SLC30A7: variants seen among roughly 807,000 people sequenced by gnomAD.
The protein encoded by SLC30A7 is zinc transporter 7.
In SLC30A7, 35 loss-of-function variants were observed where a neutral mutation model predicts 46.0. The observed-to-expected ratio is 0.76, with a 90% CI of 0.58 to 1.01. The LOEUF (loss-of-function observed/expected upper bound fraction) is 1.01, where lower values mean the gene tolerates loss of function less well. Among genes scored for constraint, SLC30A7 ranks in the 50% least tolerant of loss-of-function variants. The pLI is 0.00. For synonymous variants in SLC30A7, 147 were observed against 157.8 expected, an observed-to-expected ratio of 0.93 and a Z score of 0.51; for missense variants, 464 against 451.1, an observed-to-expected ratio of 1.03 and a Z score of -0.26.
chr1:100,920,692 T>C (rs894403234), intron 7 of SLC30A7, among the ~76,000 whole-genome samples: 1 of 152,020 alleles, frequency 6.6e-6, no homozygotes, highest in Admixed American at 6.5e-5. Context: ...TTCTTGAGTT[T>C]GTTTGTATTT....
intron 6 of SLC30A7, among the ~76,000 whole-genome samples, chr1:100,916,511 A>T (rs1570525536): frequency 6.6e-6 from 1 of 152,122 alleles, no homozygotes; most frequent in South Asian, 2.1e-4. Context: ...TATGGGGTAC[A>T]TGAGATGTTT....
intron 7 of SLC30A7, among the ~76,000 whole-genome samples, chr1:100,919,127 G>T (rs1163260835): frequency 6.6e-6 from 1 of 152,152 alleles, no homozygotes; most frequent in Non-Finnish European, 1.5e-5. Flanking sequence ...CATAATATTT[G>T]TAGGCCATCA....
rs144769323 is a variant in SLC30A7, at chr1:100,941,146, T to A, written c.842+19305T>A. 17 of 345,738 alleles carry A rather than the reference T, an allele frequency of 4.9e-5. No homozygotes were observed. In the East Asian group the frequency reaches 1.2e-3, roughly 25 times the overall value. The allele number at this position is 345,738 out of a possible 1,614,324, so 21.4% of individuals were successfully genotyped here. A position where few individuals can be genotyped will look rare whatever the true frequency, so the allele number is the denominator to read the frequency against. On this transcript the variant is annotated intron_variant, in intron 8 of 10. Coordinates refer to ENST00000357650, the MANE Select transcript of SLC30A7 (RefSeq NM_133496.5). ...TCTTCTGCCACCAAAGTTTCCTTCC[T>A]TCATGGGTTCAGAATTTGAAGACTG...
chr1:100,942,586 A>T (rs1340501010), intron 8 of SLC30A7, among the ~76,000 whole-genome samples: 1 of 152,222 alleles, frequency 6.6e-6, no homozygotes, highest in Non-Finnish European at 1.5e-5. Flanking sequence ...TATTCAAGTG[A>T]AAAGCTGAGA....
intron 8 of SLC30A7, among the ~76,000 whole-genome samples, chr1:100,929,315 A>G (rs1653524182): frequency 1.3e-5 from 2 of 152,170 alleles, no homozygotes; most frequent in African/African-American, 4.8e-5. Context: ...GCTCCAAAGT[A>G]CAAAATAAAG....
At chr1:100,962,395 A>G (rs555022376) in intron 9 of SLC30A7, among the ~76,000 whole-genome samples, 1 of 152,350 alleles carries the variant, frequency 6.6e-6, no homozygotes, top group East Asian at 1.9e-4. Context: ...ATGGATGGCT[A>G]CCTTAGATTC....
rs571910460 is a variant in SLC30A7, at chr1:100,896,167, G to A, written c.-96G>A. 9.2e-7 allele frequency: 1 copy of A among 1,082,214 alleles called. No individual in the cohort carries two copies. The highest frequency in any genetic ancestry group is 1.5e-5 in the African/African-American group (1 of 64,968). 67.0% of individuals were successfully genotyped at this position (1,082,214 alleles called of 1,614,324 possible). On this transcript the variant is annotated 5_prime_UTR_variant, in exon 1 of 11. Transcript: ENST00000357650. ...GGCGCGCGGCCCCGGACAAGCGCTG[G>A]GGATTCCCGTTTGAGGCGTCACTAC...
intron 7 of SLC30A7, among the ~76,000 whole-genome samples, chr1:100,920,441 T>A (rs944875326): frequency 6.6e-6 from 1 of 152,070 alleles, no homozygotes; most frequent in African/African-American, 2.4e-5. Context: ...AATTTATTTC[T>A]TTTGGAAATA....
At chr1:100,900,722 A>G (rs1362644063) in intron 2 of SLC30A7, among the ~76,000 whole-genome samples, 2 of 152,106 alleles carry the variant, frequency 1.3e-5, no homozygotes, top group African/African-American at 2.4e-5. Context: ...GATTCTAAGA[A>G]TTTTCTAATT....
chr1:100,896,206 A>C lies in SLC30A7; in HGVS notation c.-57A>C. 1.3e-6 allele frequency: 2 copies of C among 1,507,256 alleles called. No homozygotes were observed. Among genetic ancestry groups the C allele is most frequent in the Non-Finnish European group, 1.8e-6 (2 of 1,083,420 alleles). 93.4% of individuals were successfully genotyped at this position (1,507,256 alleles called of 1,614,324 possible). A position where few individuals can be genotyped will look rare whatever the true frequency, so the allele number is the denominator to read the frequency against. ...AGGCGTCACTACTGTCACTGCCATC[A>C]CCCCACGGAGCCACTTCTAGAGGGG... On this transcript the variant is annotated 5_prime_UTR_variant, in exon 1 of 11. Transcript: ENST00000357650.
chr1:100,979,122 T>C lies in SLC30A7; in HGVS notation c.*4265T>C, dbSNP rs551118212. The C allele has an allele frequency of 6.6e-6, 1 of 152,252 alleles. No homozygotes were observed. Among genetic ancestry groups the C allele is most frequent in the Non-Finnish European group, 1.5e-5 (1 of 67,984 alleles). 9.4% of individuals were successfully genotyped at this position (152,252 alleles called of 1,614,324 possible). A position where few individuals can be genotyped will look rare whatever the true frequency, so the allele number is the denominator to read the frequency against. On this transcript the variant is annotated 3_prime_UTR_variant, in exon 11 of 11. Coordinates refer to ENST00000357650, the MANE Select transcript of SLC30A7 (RefSeq NM_133496.5). ...TAAATGTTGCATAAAGCAAATCTTT[T>C]AAGTAAGGTAAAATGTTGAAGTCTT...
Position 100,974,855 on chromosome 1 carries a change from T to C in SLC30A7, c.1129T>C (p.Ter377GlnextTer1). The C allele has an allele frequency of 1.3e-6, 2 of 1,599,180 alleles. No homozygotes were observed. Among genetic ancestry groups the C allele is most frequent in the East Asian group, 2.2e-5 (1 of 44,706 alleles). The change falls in exon 11 of 11, where the codon TAG becomes CAG. Residue 377 changes from the stop codon to glutamine (Q), a stop_lost. Transcript: ENST00000357650. Reference protein sequence around the residue: ...LYVQIDFAAM* With the variant: ...LYVQIDFAAMQ ...CGTACAGATTGACTTTGCAGCCATG[T>C]AGTGAATGGAAAGAAATTATGCACC...
downstream of SLC30A7, among the ~76,000 whole-genome samples, chr1:100,984,166 G>C (rs1042170052): frequency 2.0e-5 from 3 of 152,306 alleles, no homozygotes; most frequent in African/African-American, 7.2e-5. Context: ...TAAAACTTTG[G>C]GGGAGGGGAA....
At chr1:100,974,632 T>G (rs545473643) in intron 10 of SLC30A7, among the ~76,000 whole-genome samples, 178 bp from the exon 11 acceptor site, 14 of 152,244 alleles carry the variant, frequency 9.2e-5, no homozygotes, top group East Asian at 7.7e-4. Flanking sequence ...TTGTTTGTTT[T>G]TTTGTAGTGG....
At position 100,976,870 on chromosome 1, in the gene SLC30A7, GT is replaced by G. The variant is rs1420256684; in HGVS notation, c.*2016del. ...AGGCAAAGTGGCATTTTCTAAACAT[GT>G]TTGCTTACTGCCAGGTGGTTTGAAA... is the stretch of plus-strand genomic sequence containing the variant. On this transcript the variant is annotated 3_prime_UTR_variant, in exon 11 of 11. Transcript: ENST00000357650. 6.6e-6 allele frequency: 1 copy of G among 152,506 alleles called. No individual in the cohort carries two copies. Among genetic ancestry groups the G allele is most frequent in the Non-Finnish European group, 1.5e-5 (1 of 68,012 alleles). The allele number at this position is 152,506 out of a possible 1,614,324, so 9.4% of individuals were successfully genotyped here.
chr1:100,929,220 C>A (rs1164354238), intron 8 of SLC30A7, among the ~76,000 whole-genome samples: 1 of 151,988 alleles, frequency 6.6e-6, no homozygotes, highest in African/African-American at 2.4e-5. Context: ...AAAATTACAT[C>A]TCTTGCCTAA....
At chr1:100,993,559 A>AATATATATATATATATATATATAT in the SLC30A7 span, among the ~76,000 whole-genome samples, 52 of 56,506 alleles carry the variant, frequency 9.2e-4, 3 homozygotes, top group Non-Finnish European at 1.2e-3. Flanking sequence ...CGAAAATATA[A>AATATATATATATATATATATATAT]ATATATATAT....
chr1:100,926,251 C>A (rs918482240), intron 8 of SLC30A7, among the ~76,000 whole-genome samples: 1 of 152,084 alleles, frequency 6.6e-6, no homozygotes, highest in Non-Finnish European at 1.5e-5. Context: ...CAAAGTAATA[C>A]TTTGCATTGC....
intron 8 of SLC30A7, among the ~76,000 whole-genome samples, chr1:100,936,979 A>C (rs193060902): frequency 2.0e-4 from 31 of 152,312 alleles, no homozygotes; most frequent in Non-Finnish European, 4.0e-4. Flanking sequence ...TTACTTATAC[A>C]CATAGATTTA....
Sources: gnomAD v4.1 joint callset for allele counts (sites outside exome capture counted in the v4.1 genomes callset) on GRCh38, gnomAD v4.1.1 for gene constraint, MANE v1.5 for transcripts, NCBI Gene and HGNC (gene_info 2026-07-23, HGNC 2026-07-21) for gene names.